The following ATG7 variants were observed in gnomAD, a reference collection of about 807,000 sequenced individuals.
The protein encoded by ATG7 is ubiquitin-like modifier-activating enzyme ATG7.
In ATG7, 70 loss-of-function variants were observed where a neutral mutation model predicts 82.4. The observed-to-expected ratio is 0.85, with a 90% confidence interval of 0.70 to 1.04. ATG7 has a LOEUF of 1.04. ATG7 is among the 50% of genes least tolerant of loss of function. ATG7 has a pLI of 0.00. For missense variants in ATG7, 792 were observed against 864.3 expected (o/e 0.92, Z 1.05); for synonymous variants, 287 against 313.0 (o/e 0.92, Z 0.88).
the ATG7 span, among the ~76,000 whole-genome samples, chr3:11,565,307 A>T: frequency 1.3e-5 from 2 of 151,742 alleles, no homozygotes; most frequent in African/African-American, 4.8e-5. This position sits in a 1 kb window ranked among gnomAD's most constrained non-coding sequence, Gnocchi z 4.1. Flanking sequence ...TTCTATAATA[A>T]TCTCCACTCC....
intron 5 of ATG7, among the ~76,000 whole-genome samples, chr3:11,306,735 G>T (rs1398548147): frequency 6.6e-6 from 1 of 152,204 alleles, no homozygotes; most frequent in Non-Finnish European, 1.5e-5. Flanking sequence ...TTAGAGTATA[G>T]GGAATATATA....
intron 20 of ATG7, among the ~76,000 whole-genome samples, chr3:11,430,367 T>G (rs2082760210): frequency 6.6e-6 from 1 of 152,188 alleles, no homozygotes; most frequent in Non-Finnish European, 1.5e-5. Flanking sequence ...GTAAAAGTAG[T>G]GTTTTGATTT....
chr3:11,436,476 C>G (rs977355740), intron 20 of ATG7, among the ~76,000 whole-genome samples: 4 of 152,118 alleles, frequency 2.6e-5, no homozygotes, highest in Non-Finnish European at 5.9e-5. Flanking sequence ...GATATATACC[C>G]AAGGCTACTC....
At chr3:11,309,559 A>T (rs1440932837) in intron 7 of ATG7, among the ~76,000 whole-genome samples, 1 of 152,034 alleles carries the variant, frequency 6.6e-6, no homozygotes, top group Non-Finnish European at 1.5e-5. Flanking sequence ...TTAGGGTAAC[A>T]TGTGCTGCCC....
chr3:11,370,481 A>G (rs1027621156), intron 18 of ATG7, among the ~76,000 whole-genome samples: 1 of 151,202 alleles, frequency 6.6e-6, no homozygotes, highest in East Asian at 1.9e-4. Flanking sequence ...TCAGCATCCA[A>G]GATCGATCTG....
intron 14 of ATG7, among the ~76,000 whole-genome samples, chr3:11,353,736 C>T (rs2075734820): frequency 6.6e-6 from 1 of 152,188 alleles, no homozygotes; most frequent in Non-Finnish European, 1.5e-5. Flanking sequence ...TGCATCTGAT[C>T]CCCCTTCACC....
Position 11,340,638 on chromosome 3 carries a change from C to T in ATG7, c.890-7C>T, listed in dbSNP as rs191209427. On this transcript the variant is annotated splice_polypyrimidine_tract_variant and splice_region_variant and intron_variant, in intron 11 of 20. Coordinates refer to ENST00000693202, the MANE Select transcript of ATG7 (RefSeq NM_001349232.2). ...TTCATTAAACTTTGTGTTTTATTTG[C>T]CTTAAGATTGTCCTAAAGCAGTTGG... 4,207 of 1,611,608 alleles carry T rather than the reference C, an allele frequency of 2.6e-3. 178 individuals carry two copies. In the Admixed American group the frequency reaches 0.068, roughly 26 times the overall value.
chr3:11,369,671 C>G (rs1290687513), intron 18 of ATG7, among the ~76,000 whole-genome samples: 1 of 151,038 alleles, frequency 6.6e-6, no homozygotes, highest in African/African-American at 2.4e-5. Context: ...CTGTGAGGTC[C>G]CAGAAGAAGA....
At chr3:11,558,302 G>A (rs1173688687), downstream of ATG7, 1 of 592,216 alleles carries the variant, frequency 1.7e-6, no homozygotes, top group Non-Finnish European at 2.8e-6. Flanking sequence ...TGGTAACTGA[G>A]GCAGGAAGTA....
At chr3:11,425,269 A>G (rs1448199530) in intron 19 of ATG7, among the ~76,000 whole-genome samples, 2 of 152,194 alleles carry the variant, frequency 1.3e-5, no homozygotes, top group African/African-American at 4.8e-5. Context: ...TGGCCCAAAC[A>G]GTGTTTCAGT....
At chr3:11,423,049 G>A (rs1026829116) in intron 19 of ATG7, among the ~76,000 whole-genome samples, 2 of 152,074 alleles carry the variant, frequency 1.3e-5, no homozygotes, top group African/African-American at 2.4e-5. Context: ...ATGAGCCACC[G>A]GGCTTGGCCT....
intron 19 of ATG7, among the ~76,000 whole-genome samples, chr3:11,395,449 C>CAGATTTCAA (rs879522869): frequency 2.2e-3 from 342 of 152,248 alleles, no homozygotes; most frequent in Non-Finnish European, 2.6e-3. Flanking sequence ...CCATCATAAT[C>CAGATTTCAA]AAACTTCAGA....
At chr3:11,480,472 G>C (rs1260214810) in intron 20 of ATG7, among the ~76,000 whole-genome samples, 1 of 152,146 alleles carries the variant, frequency 6.6e-6, no homozygotes, top group African/African-American at 2.4e-5. Flanking sequence ...ATTATTGGGA[G>C]GGGGTGCGAT....
chr3:11,566,147 C>G, the ATG7 span, among the ~76,000 whole-genome samples: 1 of 152,200 alleles, frequency 6.6e-6, no homozygotes, highest in Non-Finnish European at 1.5e-5. Context: ...GAATATGTTA[C>G]ACACACAATG....
chr3:11,511,784 C>T (rs1023069062), intron 20 of ATG7, among the ~76,000 whole-genome samples: 27 of 152,178 alleles, frequency 1.8e-4, no homozygotes, highest in South Asian at 2.1e-4. Context: ...AGCACAGCAC[C>T]GGTGGGCTGG....
chr3:11,463,024 G>T (rs2454495), intron 20 of ATG7, among the ~76,000 whole-genome samples: 135,445 of 151,986 alleles, frequency 0.89, 60,673 homozygotes, highest in East Asian at 1. Context: ...GAGCTGGGAT[G>T]ACAGGCATGT....
intron 5 of ATG7, among the ~76,000 whole-genome samples, chr3:11,300,202 T>A (rs115405232): frequency 4.7e-4 from 71 of 152,240 alleles, no homozygotes; most frequent in African/African-American, 1.7e-3. Context: ...GCTGCTGGGA[T>A]TACACGATCG....
intron 19 of ATG7, among the ~76,000 whole-genome samples, chr3:11,416,459 T>C (rs1359017688): frequency 6.6e-6 from 1 of 152,164 alleles, no homozygotes; most frequent in Admixed American, 6.5e-5. Context: ...AAATAATTGG[T>C]TCAATTCATT....
At chr3:11,502,908 T>G (rs2091445924) in intron 20 of ATG7, among the ~76,000 whole-genome samples, 1 of 152,208 alleles carries the variant, frequency 6.6e-6, no homozygotes, top group Non-Finnish European at 1.5e-5. Context: ...TTTTGGAAAC[T>G]GAAAGTTTGC....
Sources: allele counts gnomAD v4.1 joint callset (sites outside exome capture counted in the v4.1 genomes callset), GRCh38; gene constraint gnomAD v4.1.1; non-coding constraint Gnocchi (gnomAD v3.1); transcripts MANE v1.5; gene names NCBI Gene and HGNC (gene_info 2026-07-23, HGNC 2026-07-21).